Variants in SHC2 observed in about 807,000 individuals in gnomAD.
SHC2 encodes the protein SHC-transforming protein 2.
SHC2 carries 62 observed loss-of-function variants against 60.6 expected under a neutral mutation model. The observed-to-expected ratio is 1.02, with a 90% CI of 0.83 to 1.26. SHC2 has a LOEUF of 1.26. Among genes scored for constraint, SHC2 ranks in the 50% most tolerant of loss-of-function variants. SHC2 has a pLI of 0.00. For synonymous variants in SHC2, 375 were observed against 372.4 expected (o/e 1.01, Z -0.08); for missense variants, 873 against 822.2 (o/e 1.06, Z -0.76).
rs560387509 is a variant in SHC2, at chr19:440,543, G to A, written c.539+319C>T. On this transcript the variant is annotated intron_variant, in intron 2 of 12. Coordinates refer to ENST00000264554, the MANE Select transcript of SHC2 (RefSeq NM_012435.3). This position sits in a 1 kb window ranked among gnomAD's most constrained non-coding sequence, Gnocchi z 7.0. ...GAAAACAGAGCAGGGACACGGAGACGCCACTGGGCCCCGGTCCCAGAGGGA... is the reference window on the plus strand; with the variant it reads ...GAAAACAGAGCAGGGACACGGAGACACCACTGGGCCCCGGTCCCAGAGGGA... 1.3e-5 allele frequency among the ~76,000 whole-genome samples: 2 copies of A among 152,284 alleles called. No homozygotes were observed. Among genetic ancestry groups the A allele is most frequent in the South Asian group, 2.1e-4 (1 of 4,830 alleles).
intron 4 of SHC2, among the ~76,000 whole-genome samples, chr19:437,497 C>T (rs1337476450): frequency 1.3e-5 from 2 of 152,110 alleles, no homozygotes; most frequent in South Asian, 2.1e-4. Flanking sequence ...CCCTACAGAA[C>T]ATCCACTTCT....
Position 425,794 on chromosome 19 carries a change from C to T in SHC2, c.1175-563G>A, listed in dbSNP as rs956241288. 1.1e-4 allele frequency among the ~76,000 whole-genome samples: 17 copies of T among 151,810 alleles called. No homozygotes were observed. Among genetic ancestry groups the T allele is most frequent in the African/African-American group, 3.9e-4 (16 of 41,340 alleles). On this transcript the variant is annotated intron_variant, in intron 9 of 12. Coordinates refer to ENST00000264554, the MANE Select transcript of SHC2 (RefSeq NM_012435.3). The surrounding 1 kb of genome is among the most constrained non-coding windows in gnomAD (Gnocchi z 4.1). ...CTGTAATCCCAGCACTTTGGGAGGC[C>T]GAGGTGGGTGAATCATTTGAGGTCA... is the stretch of plus-strand genomic sequence containing the variant.
intron 4 of SHC2, 35 bp from the exon 5 acceptor site, chr19:436,718 C>A: frequency 6.3e-7 from 1 of 1,589,540 alleles, no homozygotes; most frequent in Non-Finnish European, 8.5e-7. Context: ...GTCATGGGGG[C>A]CCCGCTTCGA....
chr19:436,750 G>A (rs1026460663), intron 4 of SHC2, 67 bp from the exon 5 acceptor site: 248 of 1,443,632 alleles, frequency 1.7e-4, no homozygotes, highest in Non-Finnish European at 2.3e-4. Flanking sequence ...CCGGCAGATG[G>A]ACCAGGACCA....
Position 460,883 on chromosome 19 carries a change from C to T in SHC2, c.114G>A (p.Ala38=), listed in dbSNP as rs182361580. 123,460 of 989,702 alleles carry T rather than the reference C, an allele frequency of 0.12. 7,899 individuals carry two copies. Among genetic ancestry groups the T allele is most frequent in the Middle Eastern group, 0.2 (395 of 1,946 alleles). The allele number at this position is 989,702 out of a possible 1,614,324, so 61.3% of individuals were successfully genotyped here. A position where few individuals can be genotyped will look rare whatever the true frequency, so the allele number is the denominator to read the frequency against. ...LLPRMPQWKF[A]APGGFLGRGP... ...CGCGGCCCAGGAAGCCGCCCGGGGC[C>T]GCGAACTTCCACTGCGGCATTCGGG... The change falls in exon 1 of 13, where the codon GCG becomes GCA. Residue 38 remains alanine, a synonymous_variant. Transcript: ENST00000264554.
chr19:443,309 AGTGGATGG>A (rs1301606648), intron 1 of SHC2, among the ~76,000 whole-genome samples: 1 of 64,464 alleles, frequency 1.6e-5, no homozygotes, highest in Non-Finnish European at 3.3e-5. Flanking sequence ...TGGGTGGATG[AGTGGATGG>A]GTGGATGGAT....
chr19:431,384 G>C (rs1482050049), intron 8 of SHC2, among the ~76,000 whole-genome samples: 3 of 131,722 alleles, frequency 2.3e-5, no homozygotes, highest in Admixed American at 2.2e-4. Context: ...CAGGCAGATA[G>C]ATGGCACTTC....
In SHC2 at chr19:458,734, TCCGGGGAGGCGGAAGCGGGTC is replaced by T. The variant is rs1433256171; in HGVS notation, c.468+1774_468+1794del. 4.9e-4 allele frequency among the ~76,000 whole-genome samples: 53 copies of T among 108,280 alleles called. 1 individual carries two copies. The highest frequency in any genetic ancestry group is 1.5e-3 in the African/African-American group (44 of 29,452). 71.0% of individuals were successfully genotyped at this position (108,280 alleles called of 152,430 possible). A position where few individuals can be genotyped will look rare whatever the true frequency, so the allele number is the denominator to read the frequency against. ...GGGTCTTGGGGAGGCGGAAGTGGGT[TCCGGGGAGGCGGAAGCGGGTC>T]CCGGGGAGGCGGAGGCGGGTTCCGG... On this transcript the variant is annotated intron_variant, in intron 1 of 12. Coordinates refer to ENST00000264554, the MANE Select transcript of SHC2 (RefSeq NM_012435.3).
intron 9 of SHC2, among the ~76,000 whole-genome samples, chr19:428,536 A>C (rs1284760205): frequency 1.3e-5 from 2 of 152,152 alleles, no homozygotes; most frequent in Non-Finnish European, 2.9e-5. Flanking sequence ...TGGGTAGCAC[A>C]CCCTATCTGC....
chr19:422,562 C>T lies in SHC2; in HGVS notation c.1310-106G>A, dbSNP rs553793825. The stretch of plus-strand genomic sequence containing the variant: ...TTCCCCGGGGAGTCCCTCGTGCACC[C>T]GTCGGCCTGCGCTGACCGAGCGCCC... On this transcript the variant is annotated intron_variant, in intron 10 of 12. Coordinates refer to ENST00000264554, the MANE Select transcript of SHC2 (RefSeq NM_012435.3). This position sits in a 1 kb window ranked among gnomAD's most constrained non-coding sequence, Gnocchi z 5.0. 1.2e-3 allele frequency: 1,071 copies of T among 921,760 alleles called. 1 individual carries two copies. The highest frequency in any genetic ancestry group is 1.6e-3 in the Non-Finnish European group (1,023 of 624,548). The allele number at this position is 921,760 out of a possible 1,614,324, so 57.1% of individuals were successfully genotyped here.
chr19:458,665 T>G (rs565493767), intron 1 of SHC2, among the ~76,000 whole-genome samples: 18 of 26,402 alleles, frequency 6.8e-4, no homozygotes, highest in African/African-American at 9.0e-4. Context: ...GAGGCGGAAG[T>G]GGGTTCCGGG....
At position 440,171 on chromosome 19, in the gene SHC2, G is replaced by A. The variant is rs892659977; in HGVS notation, c.539+691C>T. Among the ~76,000 whole-genome samples, 1 of 151,630 alleles carries A rather than the reference G, an allele frequency of 6.6e-6. No individual in the cohort carries two copies. Among genetic ancestry groups the A allele is most frequent in the African/African-American group, 2.4e-5 (1 of 41,266 alleles). On this transcript the variant is annotated intron_variant, in intron 2 of 12. Transcript: ENST00000264554. The surrounding 1 kb of genome is among the most constrained non-coding windows in gnomAD (Gnocchi z 7.0). Reference sequence around the variant, plus strand: ...TGCTATGAAATGTCCAGGACAGGCCGATCCACAGAGACAGGGAGGGGATGC... The same window carrying A: ...TGCTATGAAATGTCCAGGACAGGCCAATCCACAGAGACAGGGAGGGGATGC...
chr19:452,081 A>G (rs1396140645), intron 1 of SHC2, among the ~76,000 whole-genome samples: 1 of 152,168 alleles, frequency 6.6e-6, no homozygotes, highest in Non-Finnish European at 1.5e-5. Context: ...TGGACCCTGC[A>G]CATTTACAGG....
intron 9 of SHC2, among the ~76,000 whole-genome samples, chr19:428,187 T>C (rs1974469097): frequency 6.6e-6 from 1 of 152,170 alleles, no homozygotes; most frequent in Non-Finnish European, 1.5e-5. Context: ...ATCACACCAC[T>C]GCCCTCCAAC....
At chr19:457,514 C>G (rs1975378141) in intron 1 of SHC2, among the ~76,000 whole-genome samples, 1 of 148,672 alleles carries the variant, frequency 6.7e-6, no homozygotes, top group African/African-American at 2.5e-5. Flanking sequence ...AGAGCCGCTA[C>G]CAGAACCTAT....
At chr19:454,602 C>T (rs1181161517) in intron 1 of SHC2, among the ~76,000 whole-genome samples, 1 of 152,214 alleles carries the variant, frequency 6.6e-6, no homozygotes, top group East Asian at 1.9e-4. Context: ...GCCTGGCCAA[C>T]AGGGTGAAAC....
rs1034944842 is a variant in SHC2, at chr19:440,332, A to G, written c.539+530T>C. On this transcript the variant is annotated intron_variant, in intron 2 of 12. Coordinates refer to ENST00000264554, the MANE Select transcript of SHC2 (RefSeq NM_012435.3). The surrounding 1 kb of genome is among the most constrained non-coding windows in gnomAD (Gnocchi z 7.0). ...TGAAGAGCCTAAAGTCTCAAACTGT[A>G]CATTATATCTCACATACGCACGTGT... Among the ~76,000 whole-genome samples the G allele has an allele frequency of 6.6e-6, 1 of 152,180 alleles. No homozygotes were observed. The highest frequency in any genetic ancestry group is 2.4e-5 in the African/African-American group (1 of 41,430).
chr19:446,271 G>C lies in SHC2; in HGVS notation c.469-5339C>G, dbSNP rs988350112. Among the ~76,000 whole-genome samples, 1 of 152,054 alleles carries C rather than the reference G, an allele frequency of 6.6e-6. No individual in the cohort carries two copies. The highest frequency in any genetic ancestry group is 1.5e-5 in the Non-Finnish European group (1 of 67,996). Reference sequence around the variant, plus strand: ...GGGCCCCAGAACTGTGACAGAACAAGTCTATGTTTGTGTGTGTGTGTGTTT... The same window carrying C: ...GGGCCCCAGAACTGTGACAGAACAACTCTATGTTTGTGTGTGTGTGTGTTT... On this transcript the variant is annotated intron_variant, in intron 1 of 12. Coordinates refer to ENST00000264554, the MANE Select transcript of SHC2 (RefSeq NM_012435.3). The surrounding 1 kb of genome is among the most constrained non-coding windows in gnomAD (Gnocchi z 5.4).
intron 9 of SHC2, among the ~76,000 whole-genome samples, chr19:427,017 G>C (rs1974433313): frequency 6.6e-6 from 1 of 152,206 alleles, no homozygotes; most frequent in Admixed American, 6.5e-5. Flanking sequence ...CACAGGGGCA[G>C]GGAACGCTGG....
Sources: gnomAD v4.1 joint callset for allele counts (sites outside exome capture counted in the v4.1 genomes callset) on GRCh38, gnomAD v4.1.1 for gene constraint, Gnocchi (gnomAD v3.1) non-coding constraint, MANE v1.5 for transcripts, NCBI Gene and HGNC (gene_info 2026-07-23, HGNC 2026-07-21) for gene names.